LTA4H: variants seen among roughly 807,000 people sequenced by gnomAD.
LTA4H encodes the protein leukotriene A4 hydrolase, also known as leukotriene A-4 hydrolase.
Under a neutral mutation model 89.8 loss-of-function variants are expected in LTA4H, and 59 were observed. The ratio of observed to expected loss-of-function variants is 0.66; its 90% confidence interval spans 0.53 to 0.82. The LOEUF is 0.82. Ranked by LOEUF, LTA4H falls within the 40% of genes least tolerant of loss-of-function variation. The pLI is 0.00. For synonymous variants in LTA4H, 227 were observed against 253.1 expected (o/e 0.90, Z 0.98); for missense variants, 617 against 727.0 (o/e 0.85, Z 1.74).
intron 1 of LTA4H, among the ~76,000 whole-genome samples, chr12:96,029,933 T>G (rs1176740656): frequency 1.3e-5 from 2 of 152,172 alleles, no homozygotes; most frequent in African/African-American, 4.8e-5. Flanking sequence ...CCACTAAATA[T>G]TCTAGTTTTC....
Position 96,022,164 on chromosome 12 carries a change from A to G in LTA4H, c.568T>C (p.Tyr190His), listed in dbSNP as rs746045055. ...PDPEDPSRKI[Y>H]KFIQKVPIPC... The stretch of plus-strand genomic sequence containing the variant: ...GATCTTACTTTTTGGATGAATTTGT[A>G]TATTTTCCTGCTTGGGTCTTCTGGG... Residue 190 changes from tyrosine to histidine, a missense_variant, in exon 5 of 19, where the codon TAC becomes CAC. Coordinates refer to ENST00000228740, the MANE Select transcript of LTA4H (RefSeq NM_000895.3). The surrounding 1 kb of genome is among the most constrained non-coding windows in gnomAD (Gnocchi z 4.0). The G allele has an allele frequency of 3.1e-6, 5 of 1,613,474 alleles. No individual in the cohort carries two copies. The highest frequency in any genetic ancestry group is 2.2e-5 in the East Asian group (1 of 44,852).
In LTA4H at chr12:96,013,213, G is replaced by C. The variant is rs1334647442; in HGVS notation, c.1354C>G (p.Pro452Ala). The C allele has an allele frequency of 6.2e-7, 1 of 1,613,736 alleles. No homozygotes were observed. Among genetic ancestry groups the C allele is most frequent in the Non-Finnish European group, 8.5e-7 (1 of 1,179,712 alleles). ...QVDWNAWLYS[P>A]GLPPIKPNYD... The stretch of plus-strand genomic sequence containing the variant: ...TTGGGCTTTATGGGAGGCAGTCCAG[G>C]AGAGTAGAGCCAGGCATTCCAATCA... The change falls in exon 14 of 19, where the codon CCT becomes GCT. Residue 452 changes from proline (P) to alanine (A), a missense_variant. By Grantham distance (27) the Pro-to-Ala change is conservative. Coordinates refer to ENST00000228740, the MANE Select transcript of LTA4H (RefSeq NM_000895.3).
At chr12:96,009,501 C>T (rs762311716) in intron 14 of LTA4H, 16 of 207,586 alleles carry the variant, frequency 7.7e-5, no homozygotes, top group Non-Finnish European at 1.3e-4. Flanking sequence ...CTCAAGACAA[C>T]AAGATGAACA....
In LTA4H at chr12:96,013,188, T is replaced by C; in HGVS notation, c.1379A>G (p.Asn460Ser). 1 of 1,612,522 alleles carries C rather than the reference T, an allele frequency of 6.2e-7. No homozygotes were observed. Among genetic ancestry groups the C allele is most frequent in the Non-Finnish European group, 8.5e-7 (1 of 1,178,626 alleles). Residue 460 changes from asparagine (N) to serine (S), a missense_variant and splice_region_variant, in exon 14 of 19, where the codon AAT becomes AGT. Around this residue, in one of 3 missense-constraint regions of LTA4H, gnomAD observed 290 missense variants for 339.1 expected, o/e 0.86. Coordinates refer to ENST00000228740, the MANE Select transcript of LTA4H (RefSeq NM_000895.3). ...YSPGLPPIKP[N>S]YDMTLTNACI... Reference sequence around the variant, plus strand: ...AAAGCATTAGCAGGCAAGTACTTACTTGGGCTTTATGGGAGGCAGTCCAGG... The same window carrying C: ...AAAGCATTAGCAGGCAAGTACTTACCTGGGCTTTATGGGAGGCAGTCCAGG...
At chr12:96,021,253 A>G (rs1373633843) in intron 5 of LTA4H, 116 bp from the exon 6 acceptor site, 1 of 689,060 alleles carries the variant, frequency 1.5e-6, no homozygotes, top group East Asian at 3.3e-5. Context: ...TCCTAATATT[A>G]GTAGGGATAA....
intron 6 of LTA4H, 51 bp downstream of exon 6, chr12:96,021,034 T>TAG: frequency 6.8e-7 from 1 of 1,466,212 alleles, no homozygotes; most frequent in Non-Finnish European, 9.4e-7. Flanking sequence ...AAGTTCAAGA[T>TAG]GCCTAAGTTT....
chr12:96,029,436 T>C (rs527898155), intron 1 of LTA4H, among the ~76,000 whole-genome samples: 1 of 152,326 alleles, frequency 6.6e-6, no homozygotes, highest in South Asian at 2.1e-4. Flanking sequence ...TTTTGGGCTT[T>C]AAGTAAAAGT....
chr12:96,015,739 G>T (rs1342512445), intron 10 of LTA4H, 45 bp from the exon 11 acceptor site: 4 of 1,191,074 alleles, frequency 3.4e-6, no homozygotes. Context: ...CAGCTGAGAA[G>T]AAAAGACATT....
In LTA4H at chr12:96,003,670, T is replaced by C. The variant is rs1365282059; in HGVS notation, c.1613+168A>G. ...AAGATTAATACTACCAGATTACATATTGCAACTATTCCTTAAATACCACTA... is the reference window on the plus strand; with the variant it reads ...AAGATTAATACTACCAGATTACATACTGCAACTATTCCTTAAATACCACTA... On this transcript the variant is annotated intron_variant, in intron 17 of 18. Coordinates refer to ENST00000228740, the MANE Select transcript of LTA4H (RefSeq NM_000895.3). 1.4e-4 allele frequency: 56 copies of C among 402,282 alleles called. No individual in the cohort carries two copies. In the East Asian group the frequency reaches 2.1e-3, roughly 15 times the overall value. The allele number at this position is 402,282 out of a possible 1,614,324, so 24.9% of individuals were successfully genotyped here.
upstream of LTA4H, among the ~76,000 whole-genome samples, chr12:96,037,128 G>A (rs1950655094): frequency 6.6e-6 from 1 of 152,220 alleles, no homozygotes; most frequent in Non-Finnish European, 1.5e-5. Flanking sequence ...AAATCAGACA[G>A]ATTTAAGGGG....
At chr12:96,003,148 T>C in intron 17 of LTA4H, 84 bp from the exon 18 acceptor site, 2 of 831,918 alleles carry the variant, frequency 2.4e-6, no homozygotes, top group East Asian at 5.3e-5. Flanking sequence ...ATTACTTCTG[T>C]AGTGATATGA....
chr12:96,036,764 T>TG (rs1950651065), upstream of LTA4H, among the ~76,000 whole-genome samples: 1 of 152,212 alleles, frequency 6.6e-6, no homozygotes, highest in Non-Finnish European at 1.5e-5. Flanking sequence ...AGGCTGTACT[T>TG]GCATTGCTAT....
intron 1 of LTA4H, among the ~76,000 whole-genome samples, chr12:96,040,718 C>A (rs990014767): frequency 1.3e-5 from 2 of 152,100 alleles, no homozygotes; most frequent in African/African-American, 4.8e-5. Flanking sequence ...TCATGGAAAC[C>A]CCATGTGAAC....
intron 8 of LTA4H, 65 bp from the exon 9 acceptor site, chr12:96,017,645 C>A: frequency 8.6e-7 from 1 of 1,166,086 alleles, no homozygotes; most frequent in Non-Finnish European, 1.3e-6. Context: ...AAAAGACTGC[C>A]TACCTAAATA....
chr12:96,028,953 A>G (rs1950541746), intron 2 of LTA4H, 102 bp downstream of exon 2: 1 of 946,270 alleles, frequency 1.1e-6, no homozygotes, highest in South Asian at 2.3e-5. Context: ...CAATCATTAC[A>G]TATTTACAAA....
At chr12:96,036,393 C>T (rs776849762), upstream of LTA4H, among the ~76,000 whole-genome samples, 2 of 152,122 alleles carry the variant, frequency 1.3e-5, no homozygotes, top group Non-Finnish European at 2.9e-5. Context: ...TTGGAAGAGG[C>T]TAGGTTTCGA....
chr12:96,017,600 C>T lies in LTA4H; in HGVS notation c.853-20G>A, dbSNP rs376206386. On this transcript the variant is annotated intron_variant, in intron 8 of 18. Coordinates refer to ENST00000228740, the MANE Select transcript of LTA4H (RefSeq NM_000895.3). ...GCCTGCCTACAAAAAAAGAAAATTA[C>T]CTTAGTATTTTAGTAATCGAATTAC... is the stretch of plus-strand genomic sequence containing the variant. 2.1e-5 allele frequency: 33 copies of T among 1,597,530 alleles called. 1 individual carries two copies. The Middle Eastern group carries it at 5.0e-4, about 24-fold the overall frequency.
intron 1 of LTA4H, 72 bp from the exon 2 acceptor site, chr12:96,029,257 T>C (rs1950547180): frequency 8.8e-6 from 7 of 792,650 alleles, no homozygotes; most frequent in Non-Finnish European, 1.3e-5. Context: ...AGATATAGGC[T>C]ACAACAACTA....
In LTA4H at chr12:96,043,347, C is replaced by A. The variant is rs1018698300; in HGVS notation, c.29G>T (p.Arg10Ile). ...TGGGATATGCATGGTCGGTACTTGT[C>A]TTTTAGAAAGATTTCTCTGTGGCAG... The change falls in exon 1 of 18, where the codon AGA becomes ATA. Residue 10 changes from arginine (R) to isoleucine (I), a missense_variant. By Grantham distance (97) the Arg-to-Ile change is moderately conservative (BLOSUM62 -3). Transcript: ENST00000413268. 9.1e-6 allele frequency: 14 copies of A among 1,535,224 alleles called. No homozygotes were observed. The African/African-American group carries it at 1.9e-4, about 21-fold the overall frequency.
Sources: gnomAD v4.1 joint callset for allele counts (sites outside exome capture counted in the v4.1 genomes callset) on GRCh38, gnomAD v4.1.1 for gene constraint, gnomAD v4.1.1 regional missense constraint, Gnocchi (gnomAD v3.1) non-coding constraint, MANE v1.5 for transcripts, NCBI Gene and HGNC (gene_info 2026-07-23, HGNC 2026-07-21) for gene names.